Variants in ELAVL1 observed in about 807,000 individuals in gnomAD.
ELAVL1 encodes ELAV-like protein 1.
In ELAVL1, 1 loss-of-function variant was observed where a neutral mutation model predicts 28.4. The ratio of observed to expected loss-of-function variants is 0.04; its 90% confidence interval spans 0.01 to 0.17. The LOEUF (loss-of-function observed/expected upper bound fraction) is 0.17, where lower values mean the gene tolerates loss of function less well. Ranked by LOEUF, ELAVL1 falls within the 10% of genes least tolerant of loss-of-function variation. ELAVL1 has a pLI of 1.00. For synonymous variants in ELAVL1, 174 were observed against 183.5 expected (o/e 0.95, Z 0.42); for missense variants, 157 against 447.2 (o/e 0.35, Z 5.85).
chr19:8,000,105 CG>C (rs1180283708), intron 1 of ELAVL1, among the ~76,000 whole-genome samples: 6 of 151,568 alleles, frequency 4.0e-5, no homozygotes, highest in African/African-American at 9.7e-5. Context: ...GAGGCGGGGG[CG>C]GGGGGGTGTC....
At position 7,958,713 on chromosome 19, in the gene ELAVL1, C is replaced by G. The variant is rs1984725963; in HGVS notation, c.*4770G>C. On this transcript the variant is annotated 3_prime_UTR_variant, in exon 6 of 6. Transcript: ENST00000407627. ...TGAGTCGTTGGAACTGTAAGCCACG[C>G]CCCAAACCGCATCACTCCGTACTTC... The G allele has an allele frequency of 6.6e-6, 1 of 152,414 alleles. No individual in the cohort carries two copies. Among genetic ancestry groups the G allele is most frequent in the African/African-American group, 2.4e-5 (1 of 41,446 alleles). 9.4% of individuals were successfully genotyped at this position (152,414 alleles called of 1,614,324 possible). A position where few individuals can be genotyped will look rare whatever the true frequency, so the allele number is the denominator to read the frequency against.
intron 3 of ELAVL1, among the ~76,000 whole-genome samples, 183 bp from the exon 4 acceptor site, chr19:7,974,061 G>A (rs150755565): frequency 6.6e-6 from 1 of 152,256 alleles, no homozygotes; most frequent in African/African-American, 2.4e-5. Flanking sequence ...GGGATGGGCC[G>A]TGAGCCAGGA....
Position 7,963,555 on chromosome 19 carries a change from G to C in ELAVL1, c.909C>G (p.Ala303=). Residue 303 remains alanine, a synonymous_variant, in exon 6 of 6, where the codon GCC becomes GCG. Transcript: ENST00000407627. This position sits in a 1 kb window ranked among gnomAD's most constrained non-coding sequence, Gnocchi z 4.5. ...CCCCCAGGCGGTAGCCGTTCAGGCTGGCTATGGCCATCGCGGCTTCTTCAT... is the reference window on the plus strand; with the variant it reads ...CCCCCAGGCGGTAGCCGTTCAGGCTCGCTATGGCCATCGCGGCTTCTTCAT... ...TNYEEAAMAI[A]SLNGYRLGDK... is the part of the protein sequence containing the mutation. The C allele has an allele frequency of 6.2e-7, 1 of 1,614,264 alleles. No individual in the cohort carries two copies. Among genetic ancestry groups the C allele is most frequent in the Non-Finnish European group, 8.5e-7 (1 of 1,180,050 alleles).
chr19:7,969,353 T>C (rs1412362642), intron 4 of ELAVL1, among the ~76,000 whole-genome samples: 1 of 152,184 alleles, frequency 6.6e-6, no homozygotes, highest in East Asian at 1.9e-4. Flanking sequence ...ACTGTCCCCA[T>C]GTCCTGTCTC....
rs146721586 is a variant in ELAVL1 at position 7,999,494 on chromosome 19, G to C, written c.-17+6001C>G. Among the ~76,000 whole-genome samples, 122 of 152,312 alleles carry C rather than the reference G, an allele frequency of 8.0e-4. 2 individuals are homozygous for C. The East Asian group carries it at 0.021, about 26-fold the overall frequency. The stretch of plus-strand genomic sequence containing the variant: ...GTCCCAACCACTCCTATCATTATTT[G>C]CCTTACACTCAATGACCAATGTCAG... On this transcript the variant is annotated intron_variant, in intron 1 of 5. Coordinates refer to ENST00000407627, the MANE Select transcript of ELAVL1 (RefSeq NM_001419.3).
Position 8,002,010 on chromosome 19 carries a change from G to T in ELAVL1, c.-17+3485C>A, listed in dbSNP as rs1421156262. ...CTCCCCCCAGCCTCTCCACCAGGGT[G>T]AGCAGTGAACTAAAACTGCTCAGTA... On this transcript the variant is annotated intron_variant, in intron 1 of 5. Coordinates refer to ENST00000407627, the MANE Select transcript of ELAVL1 (RefSeq NM_001419.3). 3 of 1,280,988 alleles carry T rather than the reference G, an allele frequency of 2.3e-6. No individual in the cohort carries two copies. In the East Asian group the frequency reaches 1.7e-4, roughly 71 times the overall value. The allele number at this position is 1,280,988 out of a possible 1,614,324, so 79.4% of individuals were successfully genotyped here.
intron 1 of ELAVL1, among the ~76,000 whole-genome samples, chr19:8,003,284 G>A (rs1838160814): frequency 6.9e-6 from 1 of 144,934 alleles, no homozygotes; most frequent in Non-Finnish European, 1.5e-5. Context: ...AGCTACTTGG[G>A]AGGCTGAGGT....
intron 1 of ELAVL1, among the ~76,000 whole-genome samples, chr19:7,996,802 G>T (rs958232999): frequency 1.3e-5 from 2 of 152,122 alleles, no homozygotes; most frequent in Admixed American, 6.5e-5. Context: ...GATAGGGCCA[G>T]ACTCCATCTC....
At chr19:7,991,947 T>TG in intron 1 of ELAVL1, 116 bp from the exon 2 acceptor site, 1 of 945,476 alleles carries the variant, frequency 1.1e-6, no homozygotes, top group Non-Finnish European at 1.5e-6. Context: ...TTTTTTTTTT[T>TG]GTTTTGTTTT....
intron 4 of ELAVL1, among the ~76,000 whole-genome samples, chr19:7,968,578 C>T (rs1250337933): frequency 2.6e-5 from 4 of 152,210 alleles, no homozygotes; most frequent in Admixed American, 2.6e-4. Context: ...AGGGCCCCAG[C>T]AGCCAAGCCC....
rs545906950 is a variant in ELAVL1 at position 7,991,469 on chromosome 19, G to A, written c.172+175C>T. ...TTTCCTCTTTTGGGAACTTATGTCC[G>A]ATCTTATACAAGAGCAATGGACAGA... On this transcript the variant is annotated intron_variant, in intron 2 of 5. Transcript: ENST00000407627. Among the ~76,000 whole-genome samples, 9 of 152,208 alleles carry A rather than the reference G, an allele frequency of 5.9e-5. No homozygotes were observed. The South Asian group carries it at 1.5e-3, about 25-fold the overall frequency.
chr19:7,976,259 A>G (rs926057006), intron 3 of ELAVL1, among the ~76,000 whole-genome samples: 7 of 149,140 alleles, frequency 4.7e-5, no homozygotes, highest in African/African-American at 1.5e-4. Flanking sequence ...AAAATTAGCC[A>G]GGCATGGTGG....
chr19:7,991,939 T>TC lies in ELAVL1; in HGVS notation c.-16-109_-16-108insG, dbSNP rs1244317016. On this transcript the variant is annotated intron_variant, in intron 1 of 5. Transcript: ENST00000407627. Reference sequence around the variant, plus strand: ...TAGAGATTTTCTTTCTTTCTTTTTTTTTTTTTTTGTTTTGTTTTTGAGACA... The same window carrying TC: ...TAGAGATTTTCTTTCTTTCTTTTTTTCTTTTTTTTGTTTTGTTTTTGAGACA... 6.8e-6 allele frequency: 7 copies of TC among 1,031,442 alleles called. No homozygotes were observed. The Admixed American group carries it at 1.4e-4, about 20-fold the overall frequency. 63.9% of individuals were successfully genotyped at this position (1,031,442 alleles called of 1,614,324 possible). A position where few individuals can be genotyped will look rare whatever the true frequency, so the allele number is the denominator to read the frequency against.
chr19:7,992,615 G>A (rs894774137), intron 1 of ELAVL1, among the ~76,000 whole-genome samples: 15 of 152,246 alleles, frequency 9.9e-5, no homozygotes, highest in Non-Finnish European at 1.6e-4. Flanking sequence ...AGTGGAACAC[G>A]GGATTGTCAG....
At chr19:7,977,045 G>T (rs1985316956) in intron 3 of ELAVL1, among the ~76,000 whole-genome samples, 1 of 152,128 alleles carries the variant, frequency 6.6e-6, no homozygotes, top group Admixed American at 6.5e-5. Flanking sequence ...GGCCAGACTT[G>T]TGTGTCTCCT....
chr19:7,997,700 A>G (rs2145228178), intron 1 of ELAVL1, among the ~76,000 whole-genome samples: 1 of 152,188 alleles, frequency 6.6e-6, no homozygotes, highest in East Asian at 1.9e-4. Flanking sequence ...CAGCGCTTTC[A>G]GAGGCCAAGG....
intron 1 of ELAVL1, among the ~76,000 whole-genome samples, chr19:7,997,221 T>TATATTC (rs1228669722): frequency 6.6e-6 from 1 of 152,228 alleles, no homozygotes; most frequent in Non-Finnish European, 1.5e-5. Context: ...AAGGAAAATC[T>TATATTC]ATATTCACAC....
At chr19:7,983,541 G>A (rs1031501480) in intron 2 of ELAVL1, among the ~76,000 whole-genome samples, 1 of 152,140 alleles carries the variant, frequency 6.6e-6, no homozygotes, top group Admixed American at 6.5e-5. Flanking sequence ...TGACCACGAC[G>A]CCAGCCTGGC....
At chr19:7,980,148 A>G (rs1020776157) in intron 3 of ELAVL1, among the ~76,000 whole-genome samples, 2 of 152,106 alleles carry the variant, frequency 1.3e-5, no homozygotes, top group African/African-American at 4.8e-5. Flanking sequence ...TTGGAGCAAG[A>G]GAGGGGATTC....
Sources: allele counts gnomAD v4.1 joint callset (sites outside exome capture counted in the v4.1 genomes callset), GRCh38; gene constraint gnomAD v4.1.1; non-coding constraint Gnocchi (gnomAD v3.1); transcripts MANE v1.5; gene names NCBI Gene and HGNC (gene_info 2026-07-23, HGNC 2026-07-21).